SH3RF2: variants seen among roughly 807,000 people sequenced by gnomAD.
SH3RF2 encodes E3 ubiquitin-protein ligase SH3RF2.
SH3RF2 carries 43 observed loss-of-function variants against 59.0 expected under a neutral mutation model. The observed-to-expected ratio is 0.73, with a 90% confidence interval of 0.57 to 0.94. The LOEUF (loss-of-function observed/expected upper bound fraction) is 0.94. Ranked by LOEUF, SH3RF2 falls within the 40% of genes least tolerant of loss-of-function variation. The pLI is 0.00. For missense variants in SH3RF2, 930 were observed against 940.1 expected, an observed-to-expected ratio of 0.99 and a Z score of 0.14; for synonymous variants, 391 against 391.5, an observed-to-expected ratio of 1.00 and a Z score of 0.01.
At chr5:146,018,853 T>C (rs1039124004) in intron 5 of SH3RF2, among the ~76,000 whole-genome samples, 1 of 151,008 alleles carries the variant, frequency 6.6e-6, no homozygotes, top group African/African-American at 2.4e-5. Flanking sequence ...TATCTTATTG[T>C]GGTTTTAACT....
chr5:145,938,201 T>C lies in SH3RF2; in HGVS notation c.273T>C (p.Pro91=), dbSNP rs1757674327. 5.6e-6 allele frequency: 9 copies of C among 1,613,694 alleles called. No homozygotes were observed. The highest frequency in any genetic ancestry group is 6.8e-6 in the Non-Finnish European group (8 of 1,180,004). Reference sequence around the variant, plus strand: ...GGAGAGGGGGCTCCTTCCGCAGGCCTGGCACGATGACCTTGCAGGATGGCA... The same window carrying C: ...GGAGAGGGGGCTCCTTCCGCAGGCCCGGCACGATGACCTTGCAGGATGGCA... The part of the protein sequence containing the change: ...SSGRGGSFRR[P]GTMTLQDGRK... The change falls in exon 2 of 10, where the codon CCT becomes CCC. Residue 91 remains proline (P), a synonymous_variant. Transcript: ENST00000359120.
Position 146,062,833 on chromosome 5 carries a change from G to A in SH3RF2, c.*132G>A. Reference sequence around the variant, plus strand: ...CTTGTTCTTCCTATTTCACCTCCAGGAAAGCAAAAGTGGGAGCAGAAATTC... The same window carrying A: ...CTTGTTCTTCCTATTTCACCTCCAGAAAAGCAAAAGTGGGAGCAGAAATTC... On this transcript the variant is annotated 3_prime_UTR_variant, in exon 10 of 10. Coordinates refer to ENST00000359120, the MANE Select transcript of SH3RF2 (RefSeq NM_152550.4). 1.5e-6 allele frequency: 2 copies of A among 1,295,092 alleles called. No individual in the cohort carries two copies. The highest frequency in any genetic ancestry group is 1.5e-5 in the South Asian group (1 of 64,770). The allele number at this position is 1,295,092 out of a possible 1,614,324, so 80.2% of individuals were successfully genotyped here. A position where few individuals can be genotyped will look rare whatever the true frequency, so the allele number is the denominator to read the frequency against.
At chr5:146,008,156 C>A (rs1760723250) in intron 4 of SH3RF2, among the ~76,000 whole-genome samples, 2 of 152,200 alleles carry the variant, frequency 1.3e-5, no homozygotes. Flanking sequence ...CCAATGGAGC[C>A]TGCCTGGGTT....
chr5:146,016,948 A>T (rs1761127722), intron 5 of SH3RF2, among the ~76,000 whole-genome samples: 1 of 152,236 alleles, frequency 6.6e-6, no homozygotes, highest in Non-Finnish European at 1.5e-5. Flanking sequence ...TGGCACCAAG[A>T]ATAAGCTGCT....
intron 2 of SH3RF2, among the ~76,000 whole-genome samples, chr5:145,946,127 C>T (rs17104068): frequency 0.1 from 15,224 of 152,242 alleles, 1,057 homozygotes; most frequent in East Asian, 0.25. Context: ...GTCACACTGC[C>T]CCAGATCCCC....
intron 2 of SH3RF2, among the ~76,000 whole-genome samples, chr5:145,987,662 C>T (rs1376143900): frequency 6.6e-6 from 1 of 152,144 alleles, no homozygotes; most frequent in Non-Finnish European, 1.5e-5. Flanking sequence ...TAAGTCTGAT[C>T]TTTGTTTCCT....
intron 2 of SH3RF2, among the ~76,000 whole-genome samples, chr5:145,988,217 C>T (rs968783496): frequency 4.6e-5 from 7 of 151,790 alleles, no homozygotes; most frequent in African/African-American, 1.7e-4. Flanking sequence ...CTCAGACCAC[C>T]CATGTGGCTG....
At chr5:146,029,843 C>T (rs1189897808) in intron 5 of SH3RF2, among the ~76,000 whole-genome samples, 1 of 152,188 alleles carries the variant, frequency 6.6e-6, no homozygotes, top group Non-Finnish European at 1.5e-5. Flanking sequence ...TGACCATTTT[C>T]TTTCATCAAA....
chr5:145,971,804 A>T (rs889918898), intron 2 of SH3RF2, among the ~76,000 whole-genome samples: 1 of 152,212 alleles, frequency 6.6e-6, no homozygotes, highest in Non-Finnish European at 1.5e-5. Context: ...AATAACTAAG[A>T]TGAAGCCCCA....
intron 2 of SH3RF2, among the ~76,000 whole-genome samples, chr5:145,955,946 T>C (rs1421586190): frequency 6.6e-6 from 1 of 152,188 alleles, no homozygotes; most frequent in Non-Finnish European, 1.5e-5. Context: ...AGTTTATCTT[T>C]GGGAGACAGG....
chr5:146,018,844 A>G (rs1238459396), intron 5 of SH3RF2, among the ~76,000 whole-genome samples: 2 of 152,142 alleles, frequency 1.3e-5, no homozygotes, highest in South Asian at 2.1e-4. Flanking sequence ...TAAGGGTGGT[A>G]TCTTATTGTG....
Position 146,013,748 on chromosome 5 carries a change from C to G in SH3RF2, c.746C>G (p.Pro249Arg). 6.2e-7 allele frequency: 1 copy of G among 1,613,526 alleles called. No individual in the cohort carries two copies. The highest frequency in any genetic ancestry group is 1.1e-5 in the South Asian group (1 of 90,988). ...VGIFPILFVE[P>R]NLTARHLLEK... ...TCATTGGACCTTTTGTCTTTTCAGC[C>G]AAACCTCACCGCAAGACACCTTTTA... Residue 249 changes from proline to arginine, a missense_variant and splice_region_variant, in exon 5 of 10, where the codon CCA (proline) becomes CGA (arginine). Transcript: ENST00000359120.
In SH3RF2 at chr5:145,949,572, G is replaced by T. The variant is rs775783969; in HGVS notation, c.378+11266G>T. 7.2e-5 allele frequency among the ~76,000 whole-genome samples: 11 copies of T among 152,206 alleles called. No homozygotes were observed. In the South Asian group the frequency reaches 8.3e-4, roughly 11 times the overall value. On this transcript the variant is annotated intron_variant, in intron 2 of 9. Transcript: ENST00000359120. ...CCCAGCTCTCTGGAGAAGCAGGAGA[G>T]GTAATCTTCTGGATTCCAAATTTCT...
chr5:146,057,653 A>G (rs1056574413), intron 8 of SH3RF2, among the ~76,000 whole-genome samples: 4 of 152,198 alleles, frequency 2.6e-5, no homozygotes, highest in Admixed American at 2.6e-4. Flanking sequence ...AAAGGTTCAT[A>G]CACGGCTGAA....
chr5:145,983,259 T>G (rs1483820726), intron 2 of SH3RF2, among the ~76,000 whole-genome samples: 7 of 151,838 alleles, frequency 4.6e-5, no homozygotes, highest in Non-Finnish European at 8.8e-5. Context: ...TTTTTTTTTT[T>G]TTTTTGAGAG....
At chr5:146,030,145 T>C (rs1761690509) in intron 5 of SH3RF2, among the ~76,000 whole-genome samples, 1 of 152,190 alleles carries the variant, frequency 6.6e-6, no homozygotes, top group South Asian at 2.1e-4. Context: ...TCTGGGCTGC[T>C]CAAGCTGCCT....
intron 2 of SH3RF2, among the ~76,000 whole-genome samples, chr5:145,941,444 A>G (rs1757812734): frequency 6.6e-6 from 1 of 152,210 alleles, no homozygotes; most frequent in Non-Finnish European, 1.5e-5. Context: ...TTTCAAACCA[A>G]CAGGCAAGAT....
At chr5:145,998,224 G>A (rs1021175030) in intron 2 of SH3RF2, among the ~76,000 whole-genome samples, 1 of 150,826 alleles carries the variant, frequency 6.6e-6, no homozygotes, top group African/African-American at 2.4e-5. Context: ...AATGATTGAT[G>A]AGGAGACTTA....
intron 5 of SH3RF2, among the ~76,000 whole-genome samples, chr5:146,018,741 T>C (rs1761200568): frequency 6.6e-6 from 1 of 152,156 alleles, no homozygotes; most frequent in Admixed American, 6.5e-5. Flanking sequence ...AATTTAAATT[T>C]CCACCAGCAG....
Sources: allele counts gnomAD v4.1 joint callset (sites outside exome capture counted in the v4.1 genomes callset), GRCh38; gene constraint gnomAD v4.1.1; transcripts MANE v1.5; gene names NCBI Gene and HGNC (gene_info 2026-07-23, HGNC 2026-07-21).